Variants in ADAMTS13 observed in about 807,000 individuals in gnomAD.
ADAMTS13 encodes A disintegrin and metalloproteinase with thrombospondin motifs 13.
A neutral mutation model predicts 155.1 loss-of-function variants in ADAMTS13; 110 were observed. The ratio of observed to expected loss-of-function variants is 0.71; its 90% CI spans 0.61 to 0.83. The LOEUF is 0.83. ADAMTS13 is among the 40% of genes least tolerant of loss of function. The pLI is 0.00. For synonymous variants in ADAMTS13, 758 were observed against 756.4 expected (o/e 1.00, Z -0.03); for missense variants, 1,707 against 1,891.7 (o/e 0.90, Z 1.81).
At chr9:133,437,953 G>C (rs894037411) in intron 13 of ADAMTS13, 56 bp downstream of exon 13, 1 of 1,609,584 alleles carries the variant, frequency 6.2e-7, no homozygotes, top group South Asian at 1.1e-5. Flanking sequence ...CTATCGGAAG[G>C]CTCCTGGGGG....
chr9:133,430,273 A>C, intron 8 of ADAMTS13, 172 bp downstream of exon 8: 1 of 891,802 alleles, frequency 1.1e-6, no homozygotes, highest in South Asian at 1.4e-5. Flanking sequence ...ATTATTTAAA[A>C]TGTTTGAACA....
chr9:133,430,785 C>G (rs912275957), intron 8 of ADAMTS13, among the ~76,000 whole-genome samples: 7 of 151,466 alleles, frequency 4.6e-5, no homozygotes, highest in African/African-American at 1.7e-4. Flanking sequence ...CTCAGCCTCC[C>G]GAGTAGCTGG....
chr9:133,458,401 GA>G (rs969619636), intron 28 of ADAMTS13, among the ~76,000 whole-genome samples: 72 of 151,814 alleles, frequency 4.7e-4, no homozygotes, highest in African/African-American at 1.7e-3. Context: ...ACTAAAAATA[GA>G]AAAAGTAGCC....
At chr9:133,432,337 G>GA (rs1192375649) in intron 8 of ADAMTS13, among the ~76,000 whole-genome samples, 2 of 152,062 alleles carry the variant, frequency 1.3e-5, no homozygotes, top group African/African-American at 2.4e-5. Context: ...AGTTAAGAAG[G>GA]AAAAAAAGAA....
Position 133,445,895 on chromosome 9 carries a change from T to TA in ADAMTS13, c.2731+76_2731+77insA, listed in dbSNP as rs1842035624. ...TGTCCACTTGCATCTTGCCTCGTTC[T>TA]GAAAAGCATTTGAGGTGGATTGCAG... On this transcript the variant is annotated intron_variant, in intron 21 of 28. Transcript: ENST00000355699. This position sits in a 1 kb window ranked among gnomAD's most constrained non-coding sequence, Gnocchi z 5.0. 2 of 1,505,054 alleles carry TA rather than the reference T, an allele frequency of 1.3e-6. No individual in the cohort carries two copies. The highest frequency in any genetic ancestry group is 2.8e-5 in the African/African-American group (2 of 71,576). The allele number at this position is 1,505,054 out of a possible 1,614,324, so 93.2% of individuals were successfully genotyped here.
At chr9:133,429,025 G>A (rs977859612) in intron 7 of ADAMTS13, among the ~76,000 whole-genome samples, 4 of 146,460 alleles carry the variant, frequency 2.7e-5, no homozygotes, top group Non-Finnish European at 6.0e-5. Context: ...CTCTCCCTAC[G>A]TCCGTCCCCA....
rs1840939221 is a variant in ADAMTS13 at position 133,433,499 on chromosome 9, TC to T, written c.1215del (p.Thr406ProfsTer91). The T allele has an allele frequency of 6.2e-7, 1 of 1,613,370 alleles. No individual in the cohort carries two copies. The highest frequency in any genetic ancestry group is 8.5e-7 in the Non-Finnish European group (1 of 1,179,874). On this transcript the variant is annotated frameshift_variant, in exon 10 of 29. Transcript: ENST00000355699. LOFTEE classifies it high-confidence loss of function. ...PCSRSCGGGV[V>X]TRRRQCNNPR... ...TCCCGCTCCTGCGGAGGAGGTGTGG[TC>T]ACCAGGAGGCGGCAGTGCAACAACC...
In ADAMTS13 at chr9:133,425,670, A is replaced by T; in HGVS notation, c.414+58A>T. The T allele has an allele frequency of 6.4e-7, 1 of 1,561,042 alleles. No homozygotes were observed. Among genetic ancestry groups the T allele is most frequent in the Admixed American group, 1.8e-5 (1 of 56,074 alleles). ...CAGAGCGGGAAGCCCAAGTCATCGC[A>T]TCTCCATCCTCTTTAACCTCTTGTC... On this transcript the variant is annotated intron_variant, in intron 4 of 28. Coordinates refer to ENST00000355699, the MANE Select transcript of ADAMTS13 (RefSeq NM_139027.6). This position sits in a 1 kb window ranked among gnomAD's most constrained non-coding sequence, Gnocchi z 4.6.
At position 133,425,109 on chromosome 9, in the gene ADAMTS13, G is replaced by A. The variant is rs919678616; in HGVS notation, c.331-420G>A. On this transcript the variant is annotated intron_variant, in intron 3 of 28. Transcript: ENST00000355699. This position sits in a 1 kb window ranked among gnomAD's most constrained non-coding sequence, Gnocchi z 4.6. Reference sequence around the variant, plus strand: ...GGAGGCCAAGGCGGGTGGATCACCCGAAGTCAGGAGTTCAAGACCAGCCTG... The same window carrying A: ...GGAGGCCAAGGCGGGTGGATCACCCAAAGTCAGGAGTTCAAGACCAGCCTG... Among the ~76,000 whole-genome samples, 2 of 152,194 alleles carry A rather than the reference G, an allele frequency of 1.3e-5. No homozygotes were observed. Among genetic ancestry groups the A allele is most frequent in the African/African-American group, 2.4e-5 (1 of 41,452 alleles).
intron 23 of ADAMTS13, among the ~76,000 whole-genome samples, chr9:133,453,960 G>A (rs782547992): frequency 6.6e-6 from 1 of 152,156 alleles, no homozygotes; most frequent in Non-Finnish European, 1.5e-5. Context: ...TCTGGGCTCT[G>A]AAGAATGCGG....
At chr9:133,418,402 C>G (rs587599889), upstream of ADAMTS13, among the ~76,000 whole-genome samples, 3 of 152,360 alleles carry the variant, frequency 2.0e-5, no homozygotes, top group African/African-American at 7.2e-5. Context: ...AGCGGCTCAT[C>G]TTCCACGTAC....
chr9:133,428,609 G>A (rs1173906090), intron 6 of ADAMTS13, 25 bp from the exon 7 acceptor site: 2 of 1,197,568 alleles, frequency 1.7e-6, no homozygotes, highest in Non-Finnish European at 2.1e-6. Context: ...GGCCGCCTTA[G>A]CGCAACTCCC....
At position 133,445,224 on chromosome 9, in the gene ADAMTS13, T is replaced by A. The variant is rs1198025417; in HGVS notation, c.2610+172T>A. Among the ~76,000 whole-genome samples the A allele has an allele frequency of 6.6e-6, 1 of 152,176 alleles. No homozygotes were observed. Among genetic ancestry groups the A allele is most frequent in the Non-Finnish European group, 1.5e-5 (1 of 68,014 alleles). ...CAGAAAAGAAGCTTAGAAAGAGGGC[T>A]CAGGGCCCCTGGGAAGGCTCCCATT... is the stretch of plus-strand genomic sequence containing the variant. On this transcript the variant is annotated intron_variant, in intron 20 of 28. Transcript: ENST00000355699. This position sits in a 1 kb window ranked among gnomAD's most constrained non-coding sequence, Gnocchi z 5.0.
Position 133,426,183 on chromosome 9 carries a change from GTT to G in ADAMTS13, c.540-13_540-12del. 6.2e-7 allele frequency: 1 copy of G among 1,614,040 alleles called. No individual in the cohort carries two copies. The highest frequency in any genetic ancestry group is 8.5e-7 in the Non-Finnish European group (1 of 1,180,038). Reference sequence around the variant, plus strand: ...GTGCCTTGGCACCACCCAAGTGACTGTTTTCTCTCACCGAGGTTTGACCTGGA... The same window carrying G: ...GTGCCTTGGCACCACCCAAGTGACTGTTCTCTCACCGAGGTTTGACCTGGA... On this transcript the variant is annotated splice_polypyrimidine_tract_variant and intron_variant, in intron 5 of 28. Coordinates refer to ENST00000355699, the MANE Select transcript of ADAMTS13 (RefSeq NM_139027.6).
intron 21 of ADAMTS13, among the ~76,000 whole-genome samples, chr9:133,447,596 C>CT (rs985075271): frequency 7.5e-5 from 11 of 147,410 alleles, no homozygotes; most frequent in Non-Finnish European, 1.3e-4. Flanking sequence ...TCTTTTTTTT[C>CT]TTTTTTTTGA....
intron 8 of ADAMTS13, among the ~76,000 whole-genome samples, chr9:133,431,839 A>G (rs1840791891): frequency 6.6e-6 from 1 of 151,840 alleles, no homozygotes; most frequent in Non-Finnish European, 1.5e-5. Context: ...TATTTTTAGT[A>G]GAGATGGGGT....
In ADAMTS13 at chr9:133,426,257, G is replaced by T; in HGVS notation, c.598G>T (p.Gly200Cys). 1 of 1,612,630 alleles carries T rather than the reference G, an allele frequency of 6.2e-7. No homozygotes were observed. The change falls in exon 6 of 29, where the codon GGT (glycine) becomes TGT (cysteine). Residue 200 changes from glycine (G) to cysteine (C), a missense_variant. Gly to Cys is a radical substitution (Grantham distance 159, BLOSUM62 -3). Coordinates refer to ENST00000355699, the MANE Select transcript of ADAMTS13 (RefSeq NM_139027.6). Reference sequence around the variant, plus strand: ...GGTGCGGGGCGTCACCCAGCTGGGCGGTGCCTGCTCCCCAACCTGGAGCTG... The same window carrying T: ...GGTGCGGGGCGTCACCCAGCTGGGCTGTGCCTGCTCCCCAACCTGGAGCTG... ...RQVRGVTQLG[G>C]ACSPTWSCLI...
chr9:133,447,520 G>A (rs1314101321), intron 21 of ADAMTS13, among the ~76,000 whole-genome samples: 2 of 152,166 alleles, frequency 1.3e-5, no homozygotes, highest in Admixed American at 6.5e-5. Context: ...TTCTGCCTCG[G>A]CCTCTCAAAG....
chr9:133,421,008 G>A (rs930531794), upstream of ADAMTS13, among the ~76,000 whole-genome samples: 1 of 152,258 alleles, frequency 6.6e-6, no homozygotes, highest in Non-Finnish European at 1.5e-5. Flanking sequence ...GCTCATGCCT[G>A]TAATCCCAGC....
Sources: allele counts gnomAD v4.1 joint callset (sites outside exome capture counted in the v4.1 genomes callset), GRCh38; gene constraint gnomAD v4.1.1; non-coding constraint Gnocchi (gnomAD v3.1); transcripts MANE v1.5; gene names NCBI Gene and HGNC (gene_info 2026-07-23, HGNC 2026-07-21).